The following ZFP62 variants were observed in gnomAD, a reference collection of about 807,000 sequenced individuals.
The protein encoded by ZFP62 is zinc finger protein 62 homolog.
ZFP62 carries 44 observed loss-of-function variants against 56.4 expected under a neutral mutation model. That is an observed-to-expected ratio of 0.78 (90% CI 0.61 to 1.00). The LOEUF (loss-of-function observed/expected upper bound fraction) is 1.00, where lower values mean the gene tolerates loss of function less well. ZFP62 is among the 50% of genes least tolerant of loss of function. The probability of loss-of-function intolerance (pLI) is 0.00; values close to 1 mark genes in which losing one functional copy is unlikely to be tolerated. For missense variants in ZFP62, 1,030 were observed against 1,085.7 expected, an observed-to-expected ratio of 0.95 and a Z score of 0.72; for synonymous variants, 421 against 388.9, an observed-to-expected ratio of 1.08 and a Z score of -0.97.
At chr5:180,857,335 A>C (rs1774041547) in intron 1 of ZFP62, among the ~76,000 whole-genome samples, 1 of 152,042 alleles carries the variant, frequency 6.6e-6, no homozygotes, top group South Asian at 2.1e-4. Flanking sequence ...ATTTTTGTTT[A>C]AGCATTCCTT....
chr5:180,827,415 T>C, the ZFP62 span, among the ~76,000 whole-genome samples: 3 of 152,230 alleles, frequency 2.0e-5, no homozygotes, highest in African/African-American at 7.2e-5. Context: ...CTGTGCTCCC[T>C]GAAACGTGTG....
the ZFP62 span, among the ~76,000 whole-genome samples, chr5:180,840,060 C>T: frequency 2.6e-5 from 4 of 152,288 alleles, no homozygotes; most frequent in Non-Finnish European, 4.4e-5. Flanking sequence ...GTCAGGAAGG[C>T]CAGAGAGGCG....
the ZFP62 span, among the ~76,000 whole-genome samples, chr5:180,836,647 C>T: frequency 6.6e-6 from 1 of 152,190 alleles, no homozygotes; most frequent in Non-Finnish European, 1.5e-5. Context: ...GAACCCACAT[C>T]AGAGGTCAAG....
At chr5:180,860,215 A>C (rs1357016242) in intron 1 of ZFP62, among the ~76,000 whole-genome samples, 1 of 152,262 alleles carries the variant, frequency 6.6e-6, no homozygotes, top group African/African-American at 2.4e-5. Context: ...GAAAAGATAC[A>C]AAGGAACAAA....
downstream of ZFP62, among the ~76,000 whole-genome samples, chr5:180,846,145 C>T (rs1212066907): frequency 6.6e-6 from 1 of 152,138 alleles, no homozygotes; most frequent in African/African-American, 2.4e-5. Flanking sequence ...CAAGGGAGAC[C>T]CCACCATGTC....
chr5:180,854,169 T>C (rs575134765), intron 1 of ZFP62, among the ~76,000 whole-genome samples: 3 of 152,270 alleles, frequency 2.0e-5, no homozygotes, highest in African/African-American at 7.2e-5. Flanking sequence ...AAATGGCTGA[T>C]TGCAGGCTGA....
At chr5:180,833,012 G>A in the ZFP62 span, among the ~76,000 whole-genome samples, 7 of 152,196 alleles carry the variant, frequency 4.6e-5, no homozygotes, top group Non-Finnish European at 1.5e-5. Context: ...AGCCAGGCTT[G>A]AGCACACGGA....
At chr5:180,840,798 TG>T in the ZFP62 span, among the ~76,000 whole-genome samples, 2 of 149,632 alleles carry the variant, frequency 1.3e-5, no homozygotes, top group African/African-American at 2.5e-5. Context: ...TTTGTGTGTG[TG>T]TGTGTGTGTG....
the ZFP62 span, among the ~76,000 whole-genome samples, chr5:180,826,883 C>T: frequency 2.3e-4 from 35 of 152,266 alleles, 1 homozygote; most frequent in South Asian, 7.3e-3. Context: ...AACAAAGCTG[C>T]AGATTTCTTT....
downstream of ZFP62, among the ~76,000 whole-genome samples, chr5:180,847,226 A>G (rs1773434923): frequency 6.6e-6 from 1 of 152,212 alleles, no homozygotes; most frequent in South Asian, 2.1e-4. Context: ...GTATTCTCAG[A>G]CAGGTTACTC....
At position 180,849,911 on chromosome 5, in the gene ZFP62, G is replaced by C. The variant is rs1773598751; in HGVS notation, c.1584C>G (p.Thr528=). The change falls in exon 2 of 2, where the codon ACC becomes ACG. Residue 528 remains threonine, a synonymous_variant. Transcript: ENST00000502412. The stretch of plus-strand genomic sequence containing the variant: ...CATCACACCCAAAGGGTTTTTCCCT[G>C]GTATGAATCCTTTTATGCTGTTCAA... ...SALEQHKRIH[T]REKPFGCDEC... is the part of the protein sequence containing the mutation. 1.9e-6 allele frequency: 3 copies of C among 1,550,988 alleles called. No individual in the cohort carries two copies. The highest frequency in any genetic ancestry group is 1.4e-5 in the African/African-American group (1 of 72,836).
chr5:180,847,799 T>C lies in ZFP62; in HGVS notation c.*993A>G, dbSNP rs1164635091. On this transcript the variant is annotated 3_prime_UTR_variant, in exon 2 of 2. Coordinates refer to ENST00000502412, the MANE Select transcript of ZFP62 (RefSeq NM_001172638.2). ...AAAAACAATCAAACATTTAACAGGA[T>C]TATTAAGAAACATTAATTTCCTTCT... 20 of 985,324 alleles carry C rather than the reference T, an allele frequency of 2.0e-5. No individual in the cohort carries two copies. The highest frequency in any genetic ancestry group is 2.4e-5 in the Non-Finnish European group (20 of 829,910). 61.0% of individuals were successfully genotyped at this position (985,324 alleles called of 1,614,324 possible).
At chr5:180,843,057 A>G (rs1278592946), downstream of ZFP62, among the ~76,000 whole-genome samples, 1 of 150,596 alleles carries the variant, frequency 6.6e-6, no homozygotes, top group Non-Finnish European at 1.5e-5. Context: ...AAAAAAATAA[A>G]TAAATAAATT....
Position 180,850,148 on chromosome 5 carries a change from A to G in ZFP62, c.1347T>C (p.Tyr449=), listed in dbSNP as rs572916078. The G allele has an allele frequency of 1.3e-6, 2 of 1,551,652 alleles. No individual in the cohort carries two copies. Among genetic ancestry groups the G allele is most frequent in the Non-Finnish European group, 1.7e-6 (2 of 1,147,038 alleles). The change falls in exon 2 of 2, where the codon TAT becomes TAC. Residue 449 remains tyrosine, a synonymous_variant. Transcript: ENST00000502412. ...HRTIHTGERP[Y]VCDVCGKTFR... is the part of the protein sequence containing the mutation. ...ACGTTTTCCCACACACATCACATACATAAGGTCTCTCTCCGGTATGAATAG... is the reference window on the plus strand; with the variant it reads ...ACGTTTTCCCACACACATCACATACGTAAGGTCTCTCTCCGGTATGAATAG...
chr5:180,857,283 T>C (rs1561910231), intron 1 of ZFP62, among the ~76,000 whole-genome samples: 1 of 152,076 alleles, frequency 6.6e-6, no homozygotes, highest in Non-Finnish European at 1.5e-5. Flanking sequence ...CCAGGTAGCA[T>C]ATATTTTAGG....
At position 180,852,063 on chromosome 5, in the gene ZFP62, G is replaced by A. The variant is rs866277569; in HGVS notation, c.2-570C>T. 9.2e-6 allele frequency: 9 copies of A among 978,910 alleles called. No individual in the cohort carries two copies. The Middle Eastern group carries it at 1.6e-3, about 170-fold the overall frequency. 60.6% of individuals were successfully genotyped at this position (978,910 alleles called of 1,614,324 possible). A position where few individuals can be genotyped will look rare whatever the true frequency, so the allele number is the denominator to read the frequency against. On this transcript the variant is annotated intron_variant, in intron 1 of 1. Coordinates refer to ENST00000502412, the MANE Select transcript of ZFP62 (RefSeq NM_001172638.2). ...GCAGAGATGAGGAAGAAGGCAACCTGCATATTAAAATATATTATTAAACGT... is the reference window on the plus strand; with the variant it reads ...GCAGAGATGAGGAAGAAGGCAACCTACATATTAAAATATATTATTAAACGT...
At chr5:180,851,531 C>T in intron 1 of ZFP62, 38 bp from the exon 2 acceptor site, 2 of 1,470,628 alleles carry the variant, frequency 1.4e-6, no homozygotes, top group Non-Finnish European at 9.0e-7. Flanking sequence ...TATTCACTCT[C>T]TTAAAAAAAA....
chr5:180,830,680 G>A, the ZFP62 span: 19 of 152,212 alleles, frequency 1.2e-4, no homozygotes, highest in East Asian at 2.5e-3. Flanking sequence ...TCATTTACTC[G>A]GGTGGCTGGG....
At chr5:180,836,613 C>T in the ZFP62 span, among the ~76,000 whole-genome samples, 7 of 152,312 alleles carry the variant, frequency 4.6e-5, no homozygotes, top group African/African-American at 1.7e-4. Context: ...AGGACTTGAA[C>T]ATATATTTTT....
Sources: allele counts gnomAD v4.1 joint callset (sites outside exome capture counted in the v4.1 genomes callset), GRCh38; gene constraint gnomAD v4.1.1; transcripts MANE v1.5; gene names NCBI Gene and HGNC (gene_info 2026-07-23, HGNC 2026-07-21).